The following THSD7B variants were observed in gnomAD, a reference collection of about 807,000 sequenced individuals.
THSD7B encodes thrombospondin type-1 domain-containing protein 7B.
A neutral mutation model predicts 213.6 loss-of-function variants in THSD7B; 138 were observed. The ratio of observed to expected loss-of-function variants is 0.65; its 90% CI spans 0.56 to 0.74. THSD7B has a LOEUF of 0.74. THSD7B is among the 30% of genes least tolerant of loss of function. THSD7B has a pLI of 0.00. For missense variants in THSD7B, 1,931 were observed against 1,991.5 expected (o/e 0.97, Z 0.58); for synonymous variants, 742 against 687.0 (o/e 1.08, Z -1.25).
intron 4 of THSD7B, among the ~76,000 whole-genome samples, chr2:137,107,500 C>T (rs555822976): frequency 3.9e-5 from 6 of 152,246 alleles, no homozygotes; most frequent in Admixed American, 2.0e-4. Flanking sequence ...CAAACCTGCA[C>T]GTTCTGCACA....
chr2:137,268,827 T>C (rs1384573575), intron 10 of THSD7B, among the ~76,000 whole-genome samples: 1 of 152,118 alleles, frequency 6.6e-6, no homozygotes, highest in Non-Finnish European at 1.5e-5. Context: ...TTCAAACACC[T>C]CTAACAAAAT....
At chr2:136,908,207 A>G (rs774598647) in intron 2 of THSD7B, among the ~76,000 whole-genome samples, 6 of 152,222 alleles carry the variant, frequency 3.9e-5, no homozygotes. Flanking sequence ...GCCATGTACA[A>G]AATTAATAAT....
chr2:136,872,310 G>C (rs1343951141), intron 1 of THSD7B, among the ~76,000 whole-genome samples: 1 of 147,452 alleles, frequency 6.8e-6, no homozygotes, highest in East Asian at 2.0e-4. Flanking sequence ...CTTCAAGCAG[G>C]CTCTGGCGAC....
At chr2:137,028,972 TG>T (rs2104850030) in intron 2 of THSD7B, among the ~76,000 whole-genome samples, 1 of 152,244 alleles carries the variant, frequency 6.6e-6, no homozygotes, top group South Asian at 2.1e-4. Context: ...CTAGTTTATT[TG>T]ATCTCTGTAA....
At chr2:137,182,807 C>T (rs1443456883) in intron 7 of THSD7B, among the ~76,000 whole-genome samples, 1 of 152,126 alleles carries the variant, frequency 6.6e-6, no homozygotes, top group East Asian at 1.9e-4. Flanking sequence ...AATTTCTCCA[C>T]TTGCTAGGTG....
chr2:137,592,754 G>A (rs978451758), intron 17 of THSD7B, among the ~76,000 whole-genome samples: 1 of 151,826 alleles, frequency 6.6e-6, no homozygotes, highest in African/African-American at 2.4e-5. Context: ...TCAAGGGTAT[G>A]GGTTGATAAA....
chr2:137,090,368 GA>G, intron 3 of THSD7B, among the ~76,000 whole-genome samples: 1 of 152,080 alleles, frequency 6.6e-6, no homozygotes, highest in South Asian at 2.1e-4. Context: ...GAAAGGTATG[GA>G]AGTATTTGTT....
At chr2:137,248,174 T>C (rs997813337) in intron 10 of THSD7B, among the ~76,000 whole-genome samples, 38 of 152,222 alleles carry the variant, frequency 2.5e-4, no homozygotes, top group African/African-American at 8.2e-4. Flanking sequence ...CATTTATTTG[T>C]TATTATTATT....
At chr2:137,588,029 A>T (rs1681778169) in intron 17 of THSD7B, among the ~76,000 whole-genome samples, 2 of 152,172 alleles carry the variant, frequency 1.3e-5, no homozygotes, top group African/African-American at 4.8e-5. Flanking sequence ...AAGCCTCAGC[A>T]ATGGCAGGTG....
intron 2 of THSD7B, among the ~76,000 whole-genome samples, chr2:136,890,356 T>C (rs1465800054): frequency 1.0e-3 from 6 of 5,890 alleles, no homozygotes; most frequent in African/African-American, 2.8e-3. Flanking sequence ...CTTCTTCTTC[T>C]TCTTCTTCTT....
intron 14 of THSD7B, among the ~76,000 whole-genome samples, chr2:137,428,661 C>A (rs562449219): frequency 1.2e-4 from 18 of 152,250 alleles, no homozygotes; most frequent in African/African-American, 4.3e-4. Flanking sequence ...CTTGACCTCA[C>A]TATACTAGAC....
In THSD7B at chr2:137,563,251, T is replaced by C. The variant is rs1681159555; in HGVS notation, c.3169T>C (p.Cys1057Arg). ...TGAGGCAGTCCCATGTTACAGTGAGTGCAATCAGTATTCCTGGGTTGTAGA... is the reference window on the plus strand; with the variant it reads ...TGAGGCAGTCCCATGTTACAGTGAGCGCAATCAGTATTCCTGGGTTGTAGA... ...VHEAVPCYSE[C>R]NQYSWVVEHW... The change falls in exon 16 of 28, where the codon TGC becomes CGC. Residue 1057 changes from cysteine (C) to arginine (R), a missense_variant. By Grantham distance (180) the Cys-to-Arg change is radical. Transcript: ENST00000409968. 6.2e-7 allele frequency: 1 copy of C among 1,613,384 alleles called. No homozygotes were observed.
intron 4 of THSD7B, among the ~76,000 whole-genome samples, chr2:137,099,964 G>A (rs1455184288): frequency 6.6e-6 from 1 of 152,052 alleles, no homozygotes; most frequent in Non-Finnish European, 1.5e-5. Flanking sequence ...AAATAAGTCT[G>A]TTTGTGCAAA....
At chr2:137,428,707 G>T (rs1195957040) in intron 14 of THSD7B, among the ~76,000 whole-genome samples, 1 of 152,094 alleles carries the variant, frequency 6.6e-6, no homozygotes, top group Non-Finnish European at 1.5e-5. Context: ...AGTAGTATGT[G>T]GTTCTATTTA....
chr2:137,418,757 G>T (rs1395261588), intron 14 of THSD7B, among the ~76,000 whole-genome samples: 1 of 151,798 alleles, frequency 6.6e-6, no homozygotes, highest in African/African-American at 2.4e-5. Flanking sequence ...TCCTTTTATA[G>T]CTCCCACATA....
intron 12 of THSD7B, among the ~76,000 whole-genome samples, chr2:137,387,980 C>T (rs80108414): frequency 0.017 from 2,628 of 152,184 alleles, 40 homozygotes; most frequent in African/African-American, 0.044. Flanking sequence ...TGTGTATATA[C>T]GCACACACAC....
chr2:137,330,990 AG>A (rs1684491314), intron 12 of THSD7B, among the ~76,000 whole-genome samples: 1 of 152,166 alleles, frequency 6.6e-6, no homozygotes, highest in African/African-American at 2.4e-5. Flanking sequence ...ATGGACACAA[AG>A]GTTCTCCAAG....
rs138572907 is a variant in THSD7B, at chr2:137,546,211, G to T, written c.3139-17010G>T. 4.7e-3 allele frequency among the ~76,000 whole-genome samples: 684 copies of T among 146,314 alleles called. 4 individuals are homozygous for T. Among genetic ancestry groups the T allele is most frequent in the African/African-American group, 0.017 (653 of 39,562 alleles). ...ATTAGAACTGATATTAATGCATAAT[G>T]CTGATCTCATAAAATTAATAACAGT... On this transcript the variant is annotated intron_variant, in intron 15 of 27. Coordinates refer to ENST00000409968, the MANE Select transcript of THSD7B (RefSeq NM_001316349.2).
chr2:137,021,784 C>T (rs1325366774), intron 2 of THSD7B, among the ~76,000 whole-genome samples: 1 of 152,142 alleles, frequency 6.6e-6, no homozygotes, highest in Non-Finnish European at 1.5e-5. Flanking sequence ...CTAATCCGTT[C>T]TTTATTTCTA....
Sources: gnomAD v4.1 joint callset for allele counts (sites outside exome capture counted in the v4.1 genomes callset) on GRCh38, gnomAD v4.1.1 for gene constraint, MANE v1.5 for transcripts, NCBI Gene and HGNC (gene_info 2026-07-23, HGNC 2026-07-21) for gene names.